ATP2B4: variants seen among roughly 807,000 people sequenced by gnomAD.
The protein encoded by ATP2B4 is ATPase plasma membrane Ca2+ transporting 4.
Under a neutral mutation model 110.3 loss-of-function variants are expected in ATP2B4, and 39 were observed. The ratio of observed to expected loss-of-function variants is 0.35; its 90% CI spans 0.27 to 0.46. The LOEUF (loss-of-function observed/expected upper bound fraction) is 0.46. ATP2B4 is among the 20% of genes least tolerant of loss of function. The pLI is 1.00. For missense variants in ATP2B4, 1,135 were observed against 1,530.9 expected (o/e 0.74, Z 4.32); for synonymous variants, 538 against 571.7 (o/e 0.94, Z 0.84).
chr1:203,711,199 TCTCACTTAGA>T, intron 12 of ATP2B4, 91 bp downstream of exon 12: 4 of 1,221,886 alleles, frequency 3.3e-6, no homozygotes, highest in Non-Finnish European at 4.8e-6. Flanking sequence ...CCTAACTGCC[TCTCACTTAGA>T]GGGATAGAAG....
chr1:203,670,376 G>A (rs1466192196), intron 1 of ATP2B4, among the ~76,000 whole-genome samples: 5 of 151,980 alleles, frequency 3.3e-5, no homozygotes, highest in African/African-American at 9.7e-5. Flanking sequence ...ACGGGGTTTC[G>A]CCATGTTGGC....
intron 12 of ATP2B4, 103 bp downstream of exon 12, chr1:203,711,211 G>C (rs965293790): frequency 2.8e-5 from 30 of 1,061,096 alleles, no homozygotes; most frequent in Non-Finnish European, 2.8e-6. Context: ...TCACTTAGAG[G>C]GATAGAAGTT....
chr1:203,721,443 GT>G (rs770300881), intron 17 of ATP2B4, 33 bp downstream of exon 17: 6 of 1,602,708 alleles, frequency 3.7e-6, no homozygotes, highest in South Asian at 2.2e-5. Context: ...AGCAGCTGGG[GT>G]CCTGGTTGGA....
At chr1:203,712,625 G>A (rs889338565) in intron 13 of ATP2B4, among the ~76,000 whole-genome samples, 1 of 150,592 alleles carries the variant, frequency 6.6e-6, no homozygotes, top group Admixed American at 6.6e-5. Context: ...GGAGTTGCTT[G>A]TGAATGAAGC....
chr1:203,639,410 G>T (rs998979322), intron 1 of ATP2B4, among the ~76,000 whole-genome samples: 2 of 152,206 alleles, frequency 1.3e-5, no homozygotes, highest in Non-Finnish European at 1.5e-5. Flanking sequence ...CATCACTGAT[G>T]TTAAGCTCAG....
chr1:203,698,213 G>A lies in ATP2B4; in HGVS notation c.250G>A (p.Val84Met), dbSNP rs755555037. The part of the protein sequence containing the change: ...EKRRQVFGHN[V>M]IPPKKPKTFL... ...ACGTAGGCAGGTGTTTGGACACAAC[G>A]TGATCCCCCCCAAAAAGCCCAAGAC... The change falls in exon 3 of 21, where the codon GTG becomes ATG. Residue 84 changes from valine (V) to methionine (M), a missense_variant. Val to Met is a conservative substitution (Grantham distance 21). Transcript: ENST00000357681. 2.4e-5 allele frequency: 38 copies of A among 1,614,022 alleles called. No individual in the cohort carries two copies. Among genetic ancestry groups the A allele is most frequent in the African/African-American group, 4.0e-5 (3 of 74,904 alleles).
chr1:203,673,737 G>A (rs1267958487), intron 1 of ATP2B4, among the ~76,000 whole-genome samples: 1 of 152,170 alleles, frequency 6.6e-6, no homozygotes, highest in African/African-American at 2.4e-5. Flanking sequence ...CTGAGCGTCT[G>A]GGGACAGAGC....
intron 1 of ATP2B4, chr1:203,656,976 TA>T: frequency 1.4e-6 from 1 of 718,488 alleles, no homozygotes; most frequent in South Asian, 1.5e-5. Context: ...GTCAAACCAG[TA>T]AGACTGCATT....
chr1:203,673,518 G>A (rs16852041), intron 1 of ATP2B4, among the ~76,000 whole-genome samples: 4,587 of 152,290 alleles, frequency 0.03, 92 homozygotes, highest in Middle Eastern at 0.037. Context: ...TCAGCATGGA[G>A]CCCTCGCTGA....
chr1:203,719,232 A>G lies in ATP2B4; in HGVS notation c.2407-1317A>G, dbSNP rs866875730. On this transcript the variant is annotated intron_variant, in intron 15 of 20. Transcript: ENST00000357681. The stretch of plus-strand genomic sequence containing the variant: ...AGAGCAAGACCCTGTCTCGAAAAAA[A>G]AAAAAAAAAAAAAGCAAGAGAGATA... Among the ~76,000 whole-genome samples the G allele has an allele frequency of 5.0e-5, 7 of 140,458 alleles. No individual in the cohort carries two copies. In the South Asian group the frequency reaches 1.3e-3, roughly 26 times the overall value. 92.1% of individuals were successfully genotyped at this position (140,458 alleles called of 152,430 possible). A position where few individuals can be genotyped will look rare whatever the true frequency, so the allele number is the denominator to read the frequency against.
intron 20 of ATP2B4, among the ~76,000 whole-genome samples, chr1:203,730,288 G>T (rs1233505102): frequency 6.6e-6 from 1 of 151,260 alleles, no homozygotes; most frequent in African/African-American, 2.4e-5. Flanking sequence ...GGAAACGCTA[G>T]GGTTCCTTTT....
intron 7 of ATP2B4, among the ~76,000 whole-genome samples, chr1:203,703,213 G>A (rs1304164641): frequency 1.3e-5 from 2 of 151,574 alleles, no homozygotes. Flanking sequence ...CCATTTAACA[G>A]AGCAATCTTG....
chr1:203,724,606 A>G (rs981020686), intron 19 of ATP2B4, among the ~76,000 whole-genome samples: 4 of 152,128 alleles, frequency 2.6e-5, no homozygotes, highest in Admixed American at 2.6e-4. Flanking sequence ...AAAAATATAT[A>G]ATAAGGGTCT....
At chr1:203,731,021 G>A (rs1346459287) in intron 20 of ATP2B4, among the ~76,000 whole-genome samples, 1 of 152,166 alleles carries the variant, frequency 6.6e-6, no homozygotes, top group African/African-American at 2.4e-5. Flanking sequence ...CTTTGGTATG[G>A]GAGGTGTTAG....
At chr1:203,637,378 G>A (rs1028679555) in intron 1 of ATP2B4, among the ~76,000 whole-genome samples, 1 of 148,030 alleles carries the variant, frequency 6.8e-6, no homozygotes, top group African/African-American at 2.5e-5. Context: ...GGAGCCTGCA[G>A]TGAGCCGAGA....
In ATP2B4 at chr1:203,702,092, A is replaced by G. The variant is rs767238256; in HGVS notation, c.937+13A>G. The G allele has an allele frequency of 8.7e-6, 14 of 1,613,796 alleles. No individual in the cohort carries two copies. Among genetic ancestry groups the G allele is most frequent in the Non-Finnish European group, 1.1e-5 (13 of 1,179,896 alleles). On this transcript the variant is annotated intron_variant, in intron 7 of 20. Transcript: ENST00000357681. ...AATCGCAACAAAGGTAACCTCTCCAACTACTCATTTACCATCTCTACCTGC... is the reference window on the plus strand; with the variant it reads ...AATCGCAACAAAGGTAACCTCTCCAGCTACTCATTTACCATCTCTACCTGC...
intron 2 of ATP2B4, among the ~76,000 whole-genome samples, chr1:203,689,139 TGTG>T: frequency 6.6e-6 from 1 of 152,290 alleles, no homozygotes; most frequent in East Asian, 1.9e-4. Context: ...TTACCTTCTG[TGTG>T]GTTTCCTGTG....
At chr1:203,687,368 G>A (rs1384889891) in intron 2 of ATP2B4, among the ~76,000 whole-genome samples, 3 of 152,180 alleles carry the variant, frequency 2.0e-5, no homozygotes, top group African/African-American at 7.2e-5. Context: ...CAAGGGTAAT[G>A]CTCACCTGTT....
intron 20 of ATP2B4, among the ~76,000 whole-genome samples, chr1:203,738,343 T>C (rs1419915141): frequency 6.6e-6 from 1 of 152,064 alleles, no homozygotes; most frequent in Admixed American, 6.5e-5. Flanking sequence ...GACCTGCAGT[T>C]CAGAAAAGCA....
Sources: gnomAD v4.1 joint callset for allele counts (sites outside exome capture counted in the v4.1 genomes callset) on GRCh38, gnomAD v4.1.1 for gene constraint, MANE v1.5 for transcripts, NCBI Gene and HGNC (gene_info 2026-07-23, HGNC 2026-07-21) for gene names.